KITLG: variants seen among roughly 807,000 people sequenced by gnomAD.
KITLG encodes the protein c-Kit ligand.
A neutral mutation model predicts 34.1 loss-of-function variants in KITLG; 13 were observed. The ratio of observed to expected loss-of-function variants is 0.38; its 90% CI spans 0.25 to 0.61. KITLG has a LOEUF of 0.61. KITLG is among the 20% of genes least tolerant of loss of function. The probability of loss-of-function intolerance (pLI) is 0.60; values close to 1 mark genes in which losing one functional copy is unlikely to be tolerated. For synonymous variants in KITLG, 110 were observed against 104.0 expected, an observed-to-expected ratio of 1.06 and a Z score of -0.35; for missense variants, 292 against 318.9, an observed-to-expected ratio of 0.92 and a Z score of 0.64.
At chr12:88,501,316 C>T (rs73199409) in intron 9 of KITLG, among the ~76,000 whole-genome samples, 7,059 of 152,184 alleles carry the variant, frequency 0.046, 208 homozygotes, top group Non-Finnish European at 0.073. Context: ...TTGCCATAAA[C>T]CTGAGTCATT....
intron 1 of KITLG, among the ~76,000 whole-genome samples, chr12:88,551,450 G>A (rs1870911401): frequency 1.3e-5 from 2 of 152,154 alleles, no homozygotes; most frequent in African/African-American, 4.8e-5. Context: ...ATTAAACTTT[G>A]CTTTTCTGTG....
At chr12:88,568,280 C>CATTTATTT (rs59218602) in intron 1 of KITLG, among the ~76,000 whole-genome samples, 1,774 of 147,088 alleles carry the variant, frequency 0.012, 31 homozygotes, top group African/African-American at 0.04. Flanking sequence ...CATATTATCT[C>CATTTATTT]ATTTATTTAT....
rs17015782 is a variant in KITLG at position 88,518,847 on chromosome 12, G to A, written c.213C>T (p.Ser71=). The change falls in exon 4 of 10, where the codon AGC becomes AGT. Residue 71 remains serine, a synonymous_variant. Coordinates refer to ENST00000644744, the MANE Select transcript of KITLG (RefSeq NM_000899.5). ...TGTCTGACAATTGTACTACCATCTC[G>A]CTTATCCAACAATGACTTGGCTGCA... ...MDVLPSHCWI[S]EMVVQLSDSL... is the part of the protein sequence containing the mutation. 3,207 of 1,613,392 alleles carry A rather than the reference G, an allele frequency of 2.0e-3. 47 individuals are homozygous for A. The African/African-American group carries it at 0.036, about 18-fold the overall frequency.
At chr12:88,506,999 T>G (rs2120808324) in intron 7 of KITLG, 29 bp downstream of exon 7, 1 of 1,187,542 alleles carries the variant, frequency 8.4e-7, no homozygotes, top group East Asian at 2.3e-5. Context: ...ACATAGCATA[T>G]TTTTAAAAAA....
At chr12:88,540,587 G>A (rs1870483719) in intron 2 of KITLG, among the ~76,000 whole-genome samples, 1 of 152,048 alleles carries the variant, frequency 6.6e-6, no homozygotes, top group African/African-American at 2.4e-5. Flanking sequence ...ATCTCTTGGG[G>A]CCAGGAGTTT....
intron 1 of KITLG, among the ~76,000 whole-genome samples, chr12:88,558,308 C>A (rs1259118375): frequency 6.6e-6 from 1 of 151,810 alleles, no homozygotes; most frequent in Non-Finnish European, 1.5e-5. Flanking sequence ...CAACAAAGTT[C>A]CCCCCACCCC....
At chr12:88,548,557 G>A (rs1052256268) in intron 1 of KITLG, among the ~76,000 whole-genome samples, 1 of 152,054 alleles carries the variant, frequency 6.6e-6, no homozygotes, top group African/African-American at 2.4e-5. Flanking sequence ...CTCAAGATAC[G>A]TGTGGCAATG....
intron 3 of KITLG, among the ~76,000 whole-genome samples, chr12:88,531,262 A>G (rs1176340516): frequency 2.6e-5 from 4 of 152,222 alleles, no homozygotes; most frequent in Non-Finnish European, 4.4e-5. Context: ...AATGCTGTCC[A>G]CATTACAAGC....
chr12:88,564,177 T>C (rs1248047518), intron 1 of KITLG: 1 of 152,134 alleles, frequency 6.6e-6, no homozygotes, highest in Non-Finnish European at 1.5e-5. Flanking sequence ...GCTTTCAAGT[T>C]TAAAACAAAA....
chr12:88,533,652 T>A (rs1203483404), intron 2 of KITLG, among the ~76,000 whole-genome samples: 1 of 152,200 alleles, frequency 6.6e-6, no homozygotes, highest in Non-Finnish European at 1.5e-5. Context: ...TTCAAGGGTC[T>A]ATCTTGCTTT....
rs1168172505 is a variant in KITLG at position 88,516,420 on chromosome 12, T to C, written c.434A>G (p.Asn145Ser). The part of the protein sequence containing the change: ...FTPEEFFRIF[N>S]RSIDAFKDFV... Reference sequence around the variant, plus strand: ...GTCCTTGAAGGCATCAATGGATCTATTAAAAATTCTAAAGAATTCTTCAGG... The same window carrying C: ...GTCCTTGAAGGCATCAATGGATCTACTAAAAATTCTAAAGAATTCTTCAGG... The change falls in exon 5 of 10, where the codon AAT (asparagine) becomes AGT (serine). Residue 145 changes from asparagine (N) to serine (S), a missense_variant. Asn to Ser is a conservative substitution (Grantham distance 46). This residue lies in a region of KITLG where 152 missense variants were observed against 207.9 expected (regional missense o/e 0.73). Coordinates refer to ENST00000644744, the MANE Select transcript of KITLG (RefSeq NM_000899.5). 1 of 1,609,678 alleles carries C rather than the reference T, an allele frequency of 6.2e-7. No homozygotes were observed. Among genetic ancestry groups the C allele is most frequent in the East Asian group, 2.2e-5 (1 of 44,748 alleles).
At chr12:88,570,765 GATGCCAAATAATAAT>G (rs1283340503) in intron 1 of KITLG, among the ~76,000 whole-genome samples, 2 of 152,044 alleles carry the variant, frequency 1.3e-5, no homozygotes, top group Non-Finnish European at 1.5e-5. Flanking sequence ...TAAAAAAAAT[GATGCCAAATAATAAT>G]ATGTATTTTA....
rs184522855 is a variant in KITLG, at chr12:88,544,939, G to A, written c.129+813C>T. ...CAACCCTCATTTCTTACCTATTCTC[G>A]CATCACCTCCGTTCTCTAGTCAGTA... On this transcript the variant is annotated intron_variant, in intron 2 of 9. Transcript: ENST00000644744. Among the ~76,000 whole-genome samples the A allele has an allele frequency of 4.0e-3, 600 of 151,876 alleles. 3 individuals carry two copies. Among genetic ancestry groups the A allele is most frequent in the African/African-American group, 0.014 (564 of 41,412 alleles).
intron 3 of KITLG, among the ~76,000 whole-genome samples, chr12:88,522,171 C>G (rs1362736428): frequency 3.9e-5 from 6 of 152,120 alleles, no homozygotes. Context: ...TATGCACATT[C>G]TAAGACTAAG....
intron 1 of KITLG, 96 bp downstream of exon 1, chr12:88,580,168 C>A (rs1871967366): frequency 3.0e-6 from 4 of 1,317,618 alleles, no homozygotes; most frequent in Non-Finnish European, 3.2e-6. Flanking sequence ...GCCCTGCACG[C>A]CCCAGCTGCA....
At chr12:88,546,772 T>C (rs1289995890) in intron 1 of KITLG, among the ~76,000 whole-genome samples, 1 of 152,200 alleles carries the variant, frequency 6.6e-6, no homozygotes, top group Non-Finnish European at 1.5e-5. Context: ...ATATATATTA[T>C]GCAACAGGAA....
intron 9 of KITLG, among the ~76,000 whole-genome samples, chr12:88,502,257 T>C (rs1457726306): frequency 6.6e-6 from 1 of 152,220 alleles, no homozygotes; most frequent in Non-Finnish European, 1.5e-5. Context: ...TGTGATTCAT[T>C]TTATACATGA....
intron 3 of KITLG, among the ~76,000 whole-genome samples, chr12:88,526,656 A>G (rs548821465): frequency 4.6e-5 from 7 of 152,284 alleles, no homozygotes; most frequent in African/African-American, 1.7e-4. Context: ...GAGGAGTGCG[A>G]TGAGAAGAGT....
intron 6 of KITLG, among the ~76,000 whole-genome samples, chr12:88,509,516 T>C (rs561649962): frequency 6.6e-6 from 1 of 152,252 alleles, no homozygotes; most frequent in African/African-American, 2.4e-5. Flanking sequence ...TGTTGACAGT[T>C]CCATCCCTAA....
Sources: gnomAD v4.1 joint callset for allele counts (sites outside exome capture counted in the v4.1 genomes callset) on GRCh38, gnomAD v4.1.1 for gene constraint, gnomAD v4.1.1 regional missense constraint, MANE v1.5 for transcripts, NCBI Gene and HGNC (gene_info 2026-07-23, HGNC 2026-07-21) for gene names.